TMEM39B: variants seen among roughly 807,000 people sequenced by gnomAD.
The protein encoded by TMEM39B is transmembrane protein 39B.
In TMEM39B, 23 loss-of-function variants were observed where a neutral mutation model predicts 52.2. The ratio of observed to expected loss-of-function variants is 0.44; its 90% CI spans 0.32 to 0.62. TMEM39B has a LOEUF of 0.62. Among genes scored for constraint, TMEM39B ranks in the 20% least tolerant of loss-of-function variants. TMEM39B has a pLI of 0.06. For synonymous variants in TMEM39B, 285 were observed against 264.0 expected (o/e 1.08, Z -0.77); for missense variants, 547 against 642.0 (o/e 0.85, Z 1.60).
chr1:32,092,252 T>C (rs2124481271), intron 6 of TMEM39B, among the ~76,000 whole-genome samples: 1 of 152,174 alleles, frequency 6.6e-6, no homozygotes, highest in East Asian at 1.9e-4. Context: ...AACCTCCTGG[T>C]CTCAAGTGAT....
Position 32,091,860 on chromosome 1 carries a change from T to G in TMEM39B, c.776T>G (p.Met259Arg). 6.2e-7 allele frequency: 1 copy of G among 1,614,198 alleles called. No homozygotes were observed. Among genetic ancestry groups the G allele is most frequent in the Non-Finnish European group, 8.5e-7 (1 of 1,180,032 alleles). ...AGACAGCTGTATGGCCCGGACGCCA[T>G]GCCCACCCATGCCTGCTGCCTGTCA... ...HTRQLYGPDA[M>R]PTHACCLSPS... The change falls in exon 6 of 9, where the codon ATG becomes AGG. Residue 259 changes from methionine (M) to arginine (R), a missense_variant. By Grantham distance (91) the Met-to-Arg change is moderately conservative. Transcript: ENST00000336294.
At position 32,075,786 on chromosome 1, in the gene TMEM39B, G is replaced by T; in HGVS notation, c.315G>T (p.Trp105Cys). 6.5e-7 allele frequency: 1 copy of T among 1,537,002 alleles called. No individual in the cohort carries two copies. Among genetic ancestry groups the T allele is most frequent in the Non-Finnish European group, 8.8e-7 (1 of 1,136,008 alleles). The change falls in exon 3 of 9, where the codon TGG becomes TGT. Residue 105 changes from tryptophan to cysteine, a missense_variant. Transcript: ENST00000336294. ...HYINIYKTVW[W>C]YPPSHPPSHT... ...TCAACATCTACAAGACAGTGTGGTG[G>T]TATCCACCTTCCCACCCACCCTCCC...
At position 32,093,445 on chromosome 1, in the gene TMEM39B, T is replaced by C. The variant is rs998898496; in HGVS notation, c.928-1339T>C. 7.4e-4 allele frequency among the ~76,000 whole-genome samples: 94 copies of C among 127,872 alleles called. 1 individual carries two copies. The highest frequency in any genetic ancestry group is 2.7e-3 in the African/African-American group (93 of 34,666). The allele number at this position is 127,872 out of a possible 152,430, so 83.9% of individuals were successfully genotyped here. ...TTTTTTTTTTAAGACTAGGTCTTGCTCTATGGCCCAGGCTGGAGTGCAGTG... is the reference window on the plus strand; with the variant it reads ...TTTTTTTTTTAAGACTAGGTCTTGCCCTATGGCCCAGGCTGGAGTGCAGTG... On this transcript the variant is annotated intron_variant, in intron 6 of 8. Coordinates refer to ENST00000336294, the MANE Select transcript of TMEM39B (RefSeq NM_018056.4).
At chr1:32,073,519 T>C (rs955711775) in intron 1 of TMEM39B, 9 of 996,632 alleles carry the variant, frequency 9.0e-6, no homozygotes, top group Non-Finnish European at 4.8e-6. Flanking sequence ...GTGGGCGGGG[T>C]TTCTGGGCTG....
At chr1:32,082,410 CTG>C (rs1640137384) in intron 5 of TMEM39B, among the ~76,000 whole-genome samples, 1 of 152,098 alleles carries the variant, frequency 6.6e-6, no homozygotes, top group African/African-American at 2.4e-5. Flanking sequence ...CATTTCTTCT[CTG>C]TAGTTACAGA....
rs915223983 is a variant in TMEM39B at position 32,075,002 on chromosome 1, A to G, written c.56A>G (p.Glu19Gly). The G allele has an allele frequency of 6.4e-7, 1 of 1,551,570 alleles. No individual in the cohort carries two copies. ...TCTTACTGTCGAAATCCGCTCTGTG[A>G]GCCGGGATCCTCGGGGGGCTCTAGT... ...RTSYCRNPLCEPGSSGGSSGS... is the reference protein window; with the variant it reads ...RTSYCRNPLCGPGSSGGSSGS... Residue 19 changes from glutamate to glycine, a missense_variant, in exon 2 of 9, where the codon GAG (glutamate) becomes GGG (glycine). Coordinates refer to ENST00000336294, the MANE Select transcript of TMEM39B (RefSeq NM_018056.4).
At chr1:32,083,189 A>T (rs1163154284) in intron 5 of TMEM39B, among the ~76,000 whole-genome samples, 1 of 135,178 alleles carries the variant, frequency 7.4e-6, no homozygotes, top group Admixed American at 8.1e-5. Flanking sequence ...AGTTCAAGTG[A>T]TTCTCCTCCC....
chr1:32,076,245 G>A (rs1336946586), intron 3 of TMEM39B: 2 of 214,164 alleles, frequency 9.3e-6, no homozygotes, highest in African/African-American at 4.6e-5. Context: ...CCGAGTAGCT[G>A]GGATTACAGG....
chr1:32,094,085 T>C (rs1181105696), intron 6 of TMEM39B, among the ~76,000 whole-genome samples: 78 of 131,328 alleles, frequency 5.9e-4, no homozygotes, highest in East Asian at 1.9e-3. Flanking sequence ...CCCAAAGTGC[T>C]GGGATTACAG....
intron 1 of TMEM39B, chr1:32,073,462 C>T (rs1411228789): frequency 1.2e-6 from 1 of 846,714 alleles, no homozygotes; most frequent in Non-Finnish European, 1.5e-6. Context: ...ACTGAGGGAG[C>T]CCATTCTGGA....
intron 3 of TMEM39B, 38 bp downstream of exon 3, chr1:32,075,860 GTGTGCGTGTGTGTGTA>G: frequency 7.7e-7 from 1 of 1,305,872 alleles, no homozygotes; most frequent in Non-Finnish European, 1.1e-6. Context: ...GTGTGTGTGT[GTGTGCGTGTGTGTGTA>G]TGTGTGTGTG....
rs1052027069 is a variant in TMEM39B, at chr1:32,083,409, C to CTTTT, written c.590+6118_590+6121dup. Among the ~76,000 whole-genome samples, 486 of 54,640 alleles carry CTTTT rather than the reference C, an allele frequency of 8.9e-3. 4 individuals carry two copies. The highest frequency in any genetic ancestry group is 0.01 in the Non-Finnish European group (309 of 29,520). The allele number at this position is 54,640 out of a possible 152,430, so 35.8% of individuals were successfully genotyped here. ...GCAGGAACATTTTTTTAAAGGACTT[C>CTTTT]TTTTTTTTTTTTTTTTTTTTTTTTT... is the stretch of plus-strand genomic sequence containing the variant. On this transcript the variant is annotated intron_variant, in intron 5 of 8. Coordinates refer to ENST00000336294, the MANE Select transcript of TMEM39B (RefSeq NM_018056.4).
rs59549936 is a variant in TMEM39B at position 32,092,754 on chromosome 1, G to A, written c.927+743G>A. 1.5e-3 allele frequency among the ~76,000 whole-genome samples: 224 copies of A among 152,228 alleles called. 1 individual carries two copies. Among genetic ancestry groups the A allele is most frequent in the African/African-American group, 5.2e-3 (217 of 41,542 alleles). The stretch of plus-strand genomic sequence containing the variant: ...GATCCGCCCACCTTGGCCTCCCAAA[G>A]TGTTGGGATTACAGGCATGAGCCAC... On this transcript the variant is annotated intron_variant, in intron 6 of 8. Transcript: ENST00000336294.
intron 6 of TMEM39B, among the ~76,000 whole-genome samples, chr1:32,092,340 A>T (rs958359906): frequency 6.6e-6 from 1 of 152,056 alleles, no homozygotes; most frequent in African/African-American, 2.4e-5. Context: ...AATTTTTTAT[A>T]GAGATGGAGT....
chr1:32,094,664 AG>A (rs1295245332), intron 6 of TMEM39B, 119 bp from the exon 7 acceptor site: 6 of 1,093,038 alleles, frequency 5.5e-6, no homozygotes, highest in South Asian at 3.0e-5. Context: ...TCTTGGTTTC[AG>A]GCTATTCTGA....
chr1:32,100,290 G>T, intron 7 of TMEM39B, 152 bp from the exon 8 acceptor site: 1 of 772,532 alleles, frequency 1.3e-6, no homozygotes. Flanking sequence ...CCATTTTACA[G>T]AGGAGGCAAC....
At chr1:32,076,298 A>G (rs1342373308) in intron 3 of TMEM39B, 2 of 267,424 alleles carry the variant, frequency 7.5e-6, no homozygotes, top group Admixed American at 9.0e-5. Flanking sequence ...TTTAGTGGAG[A>G]CAGGGTTTCA....
At chr1:32,077,378 A>T in intron 5 of TMEM39B, 60 bp downstream of exon 5, 5 of 1,587,296 alleles carry the variant, frequency 3.2e-6, no homozygotes, top group Non-Finnish European at 4.3e-6. Flanking sequence ...CTCTGCCCTG[A>T]CCGTAGCTGG....
At chr1:32,096,948 C>T (rs1482009230) in intron 7 of TMEM39B, among the ~76,000 whole-genome samples, 6 of 152,024 alleles carry the variant, frequency 3.9e-5, no homozygotes, top group Admixed American at 3.3e-4. Context: ...GGATTACAGG[C>T]GCATGCCACC....
Sources: gnomAD v4.1 joint callset for allele counts (sites outside exome capture counted in the v4.1 genomes callset) on GRCh38, gnomAD v4.1.1 for gene constraint, MANE v1.5 for transcripts, NCBI Gene and HGNC (gene_info 2026-07-23, HGNC 2026-07-21) for gene names.